UBR2: variants seen among roughly 807,000 people sequenced by gnomAD.
UBR2 encodes E3 ubiquitin-protein ligase UBR2.
UBR2 carries 92 observed loss-of-function variants against 247.9 expected under a neutral mutation model. The ratio of observed to expected loss-of-function variants is 0.37; its 90% CI spans 0.31 to 0.44. The LOEUF (loss-of-function observed/expected upper bound fraction) is 0.44, where lower values mean the gene tolerates loss of function less well. Ranked by LOEUF, UBR2 falls within the 20% of genes least tolerant of loss-of-function variation. UBR2 has a pLI of 1.00. For missense variants in UBR2, 1,613 were observed against 2,112.6 expected, an observed-to-expected ratio of 0.76 and a Z score of 4.64; for synonymous variants, 672 against 693.5, an observed-to-expected ratio of 0.97 and a Z score of 0.49.
chr6:42,599,851 C>T (rs1283929391), intron 4 of UBR2, among the ~76,000 whole-genome samples: 2 of 152,046 alleles, frequency 1.3e-5, no homozygotes, highest in African/African-American at 4.8e-5. Context: ...CTGCCTCTGC[C>T]TCTGAAAGTG....
intron 21 of UBR2, among the ~76,000 whole-genome samples, chr6:42,646,890 T>G (rs1047796821): frequency 3.3e-5 from 5 of 151,838 alleles, no homozygotes; most frequent in African/African-American, 1.2e-4. Flanking sequence ...GGCATGGTCT[T>G]GGCTTACTAT....
chr6:42,603,684 AAAGAAAG>A lies in UBR2; in HGVS notation c.629_635del (p.Lys210MetfsTer7). On this transcript the variant is annotated frameshift_variant, in exon 5 of 47. Coordinates refer to ENST00000372901, the MANE Select transcript of UBR2 (RefSeq NM_001363705.2). LOFTEE classifies it high-confidence loss of function. ...TGCAGTAGAAATATTAACCTGGGAA[AAAGAAAG>A]TGAATTGCCAGCAGATTTAGAGATG... 6.2e-7 allele frequency: 1 copy of A among 1,600,108 alleles called. No individual in the cohort carries two copies. The highest frequency in any genetic ancestry group is 8.5e-7 in the Non-Finnish European group (1 of 1,176,976).
At chr6:42,601,592 G>A (rs1176107967) in intron 4 of UBR2, among the ~76,000 whole-genome samples, 1 of 151,150 alleles carries the variant, frequency 6.6e-6, no homozygotes, top group Non-Finnish European at 1.5e-5. Flanking sequence ...GGAGGCTGAG[G>A]CAGGAGAATC....
At chr6:42,565,111 T>C (rs1373666708) in intron 1 of UBR2, among the ~76,000 whole-genome samples, 2 of 152,234 alleles carry the variant, frequency 1.3e-5, no homozygotes, top group African/African-American at 4.8e-5. Context: ...TTTCAACAAA[T>C]ACTGTATAAG....
intron 11 of UBR2, among the ~76,000 whole-genome samples, chr6:42,622,278 C>G (rs1254008308): frequency 1.3e-5 from 2 of 152,140 alleles, no homozygotes; most frequent in Non-Finnish European, 2.9e-5. Flanking sequence ...CTCAGCGTCC[C>G]AAAGTGCTGG....
chr6:42,614,424 A>ATACATACG (rs143366431), intron 8 of UBR2, among the ~76,000 whole-genome samples: 6,946 of 87,774 alleles, frequency 0.079, 867 homozygotes, highest in South Asian at 0.1. Context: ...ACGTACGTAC[A>ATACATACG]TATATATGTA....
intron 34 of UBR2, among the ~76,000 whole-genome samples, chr6:42,667,335 CAA>C (rs752155076): frequency 3.6e-4 from 48 of 132,632 alleles, no homozygotes; most frequent in Admixed American, 6.9e-4. Flanking sequence ...GACCCTATCT[CAA>C]AAAAAAAAAA....
In UBR2 at chr6:42,658,065, A is replaced by C. The variant is rs768168632; in HGVS notation, c.2914A>C (p.Met972Leu). Residue 972 changes from methionine (M) to leucine (L), a missense_variant, in exon 27 of 47, where the codon ATG (methionine) becomes CTG (leucine). Physicochemically the swap from Met to Leu is conservative, Grantham distance 15. Coordinates refer to ENST00000372901, the MANE Select transcript of UBR2 (RefSeq NM_001363705.2). ...AAAAAATTCTCCTAGCATACTAGCT[A>C]TGCTGGAAACACTACAAAATGCTCC... The part of the protein sequence containing the change: ...APKNSPSILA[M>L]LETLQNAPYL... 1.3e-5 allele frequency: 21 copies of C among 1,614,006 alleles called. No homozygotes were observed. Among genetic ancestry groups the C allele is most frequent in the Non-Finnish European group, 1.7e-5 (20 of 1,179,990 alleles).
At chr6:42,596,525 GCACA>G (rs1792987944) in intron 4 of UBR2, among the ~76,000 whole-genome samples, 2 of 152,100 alleles carry the variant, frequency 1.3e-5, no homozygotes, top group Non-Finnish European at 2.9e-5. Flanking sequence ...GCAAGTACAT[GCACA>G]CACATGTTGT....
chr6:42,632,069 A>AAAAATATAT (rs56721828), intron 11 of UBR2, among the ~76,000 whole-genome samples: 8 of 114,076 alleles, frequency 7.0e-5, no homozygotes, highest in African/African-American at 2.7e-4. Context: ...AAAAAAAAAA[A>AAAAATATAT]ATATATATAT....
rs1562303943 is a variant in UBR2, at chr6:42,607,693, TGTCCCACCACTCCCAGC to T, written c.864+1043_864+1059del. 6.9e-4 allele frequency among the ~76,000 whole-genome samples: 68 copies of T among 98,872 alleles called. 1 individual carries two copies. The highest frequency in any genetic ancestry group is 3.1e-3 in the South Asian group (9 of 2,878). The allele number at this position is 98,872 out of a possible 152,430, so 64.9% of individuals were successfully genotyped here. On this transcript the variant is annotated intron_variant, in intron 7 of 46. Coordinates refer to ENST00000372901, the MANE Select transcript of UBR2 (RefSeq NM_001363705.2). ...CCACTCCCAGCTGGGAGGACAGGCA[TGTCCCACCACTCCCAGC>T]TGTTTTTTTTTTTTTTTTTTTTTTA...
intron 21 of UBR2, 89 bp from the exon 22 acceptor site, chr6:42,648,029 T>A: frequency 2.0e-6 from 2 of 1,007,498 alleles, no homozygotes; most frequent in Non-Finnish European, 3.1e-6. Context: ...TACCTTAGGT[T>A]GTTATGAGGG....
rs1369147038 is a variant in UBR2, at chr6:42,573,899, C to G, written c.244C>G (p.Pro82Ala). 6.2e-7 allele frequency: 1 copy of G among 1,613,944 alleles called. No individual in the cohort carries two copies. Among genetic ancestry groups the G allele is most frequent in the Non-Finnish European group, 8.5e-7 (1 of 1,179,970 alleles). The change falls in exon 2 of 47, where the codon CCT (proline) becomes GCT (alanine). Residue 82 changes from proline to alanine, a missense_variant. Physicochemically the swap from Pro to Ala is conservative, Grantham distance 27 (BLOSUM62 -1). Transcript: ENST00000372901. ...PMEWYLCGEDPAFGFPKLEQA... is the reference protein window; with the variant it reads ...PMEWYLCGEDAAFGFPKLEQA... ...GGAATGGTACCTTTGTGGTGAAGATCCTGCATTTGGATTTCCAAAACTTGA... is the reference window on the plus strand; with the variant it reads ...GGAATGGTACCTTTGTGGTGAAGATGCTGCATTTGGATTTCCAAAACTTGA...
intron 14 of UBR2, 78 bp from the exon 15 acceptor site, chr6:42,636,929 TACTC>T: frequency 6.9e-7 from 1 of 1,444,358 alleles, no homozygotes. Context: ...TTGAGGTACT[TACTC>T]ACTGAATTTA....
At position 42,692,153 on chromosome 6, in the gene UBR2, A is replaced by G. The variant is rs959830847; in HGVS notation, c.*980A>G. The G allele has an allele frequency of 6.6e-6, 1 of 152,092 alleles. No individual in the cohort carries two copies. Among genetic ancestry groups the G allele is most frequent in the African/African-American group, 2.4e-5 (1 of 41,390 alleles). 9.4% of individuals were successfully genotyped at this position (152,092 alleles called of 1,614,324 possible). ...AATAGGTATTCTAAAAGAGTATCCT[A>G]ATTTTCTTATCTGTATTCTTTTAGA... On this transcript the variant is annotated 3_prime_UTR_variant, in exon 47 of 47. Transcript: ENST00000372901.
At chr6:42,642,645 C>T (rs1796515110) in intron 18 of UBR2, among the ~76,000 whole-genome samples, 164 bp downstream of exon 18, 1 of 152,130 alleles carries the variant, frequency 6.6e-6, no homozygotes, top group African/African-American at 2.4e-5. Flanking sequence ...AGATCATTTC[C>T]ATCTATATTT....
At position 42,689,419 on chromosome 6, in the gene UBR2, T is replaced by G; in HGVS notation, c.5025-150T>G. ...ACAAATTTGACTCGATTCAACCTATTTCCTAGTTTGTGCACAATTTTTTAA... is the reference window on the plus strand; with the variant it reads ...ACAAATTTGACTCGATTCAACCTATGTCCTAGTTTGTGCACAATTTTTTAA... On this transcript the variant is annotated intron_variant, in intron 45 of 46. Transcript: ENST00000372901. The surrounding 1 kb of genome is among the most constrained non-coding windows in gnomAD (Gnocchi z 4.0). The G allele has an allele frequency of 1.3e-6, 1 of 769,388 alleles. No individual in the cohort carries two copies. The highest frequency in any genetic ancestry group is 1.6e-5 in the South Asian group (1 of 61,560). 47.7% of individuals were successfully genotyped at this position (769,388 alleles called of 1,614,324 possible).
At chr6:42,640,014 G>A (rs1326627805) in intron 15 of UBR2, among the ~76,000 whole-genome samples, 195 bp from the exon 16 acceptor site, 3 of 152,106 alleles carry the variant, frequency 2.0e-5, no homozygotes, top group African/African-American at 4.8e-5. Context: ...GTGACAGAGC[G>A]AGACTCCGTC....
chr6:42,606,860 A>T (rs964713891), intron 7 of UBR2, among the ~76,000 whole-genome samples: 6 of 152,078 alleles, frequency 3.9e-5, no homozygotes, highest in Non-Finnish European at 8.8e-5. Flanking sequence ...TTTAGATAAG[A>T]TATATTCCCA....
Sources: allele counts gnomAD v4.1 joint callset (sites outside exome capture counted in the v4.1 genomes callset), GRCh38; gene constraint gnomAD v4.1.1; non-coding constraint Gnocchi (gnomAD v3.1); transcripts MANE v1.5; gene names NCBI Gene and HGNC (gene_info 2026-07-23, HGNC 2026-07-21).